VEGFD: variants seen among roughly 807,000 people sequenced by gnomAD.
The protein encoded by VEGFD is c-fos induced growth factor (vascular endothelial growth factor D).
VEGFD carries 26 observed loss-of-function variants against 28.0 expected under a neutral mutation model. The ratio of observed to expected loss-of-function variants is 0.93; its 90% CI spans 0.68 to 1.29. The LOEUF (loss-of-function observed/expected upper bound fraction) is 1.29. VEGFD is among the 50% of genes most tolerant of loss of function. The probability of loss-of-function intolerance (pLI) is 0.00; values close to 1 mark genes in which losing one functional copy is unlikely to be tolerated. For missense variants in VEGFD, 294 were observed against 273.4 expected, an observed-to-expected ratio of 1.08 and a Z score of -0.53; for synonymous variants, 93 against 95.5, an observed-to-expected ratio of 0.97 and a Z score of 0.15.
chrX:15,353,022 GCTA>G (rs756388904), intron 5 of VEGFD, 43 bp downstream of exon 5: 25 of 771,089 alleles, frequency 3.2e-5, no homozygotes, highest in Non-Finnish European at 4.8e-5. Context: ...TGCTATTGTT[GCTA>G]CTTTTATTAT....
intron 1 of VEGFD, among the ~76,000 whole-genome samples, chrX:15,371,359 T>A (rs1196460379): frequency 8.9e-6 from 1 of 112,241 alleles, no homozygotes; most frequent in Non-Finnish European, 1.9e-5. Context: ...AGAAAATTTT[T>A]ATCTTTTTTT....
At position 15,346,214 on chromosome X, in the gene VEGFD, G is replaced by A. The variant is rs753290987; in HGVS notation, c.984C>T (p.Gly328=). 8.3e-6 allele frequency: 10 copies of A among 1,209,002 alleles called. No homozygotes were observed. Among genetic ancestry groups the A allele is most frequent in the Admixed American group, 4.4e-5 (2 of 45,845 alleles). The change falls in exon 7 of 7, where the codon GGC becomes GGT. Residue 328 remains glycine (G), a synonymous_variant. Transcript: ENST00000297904. The part of the protein sequence containing the change: ...CPFHTRPCAS[G]KTACAKHCRF... ...GGCAATGCTTTGCACATGCTGTTTT[G>A]CCACTTGCACATGGTCTGGTATGAA...
chrX:15,363,047 G>T (rs746004889), intron 2 of VEGFD, 62 bp downstream of exon 2: 32 of 1,072,486 alleles, frequency 3.0e-5, no homozygotes, highest in Non-Finnish European at 4.1e-5. Flanking sequence ...TTTGGAGAAA[G>T]TAAGTGTGTT....
At chrX:15,355,123 T>C in intron 4 of VEGFD, 27 bp downstream of exon 4, 2 of 1,112,606 alleles carry the variant, frequency 1.8e-6, no homozygotes, top group Non-Finnish European at 2.4e-6. Flanking sequence ...CATAATCCAG[T>C]ATAAAAAAAA....
Position 15,347,177 on chromosome X carries a change from G to A in VEGFD, c.925C>T (p.Pro309Ser), listed in dbSNP as rs1922573214. The A allele has an allele frequency of 7.5e-6, 9 of 1,207,692 alleles. No individual in the cohort carries two copies. The highest frequency in any genetic ancestry group is 8.9e-6 in the Non-Finnish European group (8 of 893,917). The change falls in exon 6 of 7, where the codon CCA becomes TCA. Residue 309 changes from proline to serine, a missense_variant. Transcript: ENST00000297904. ...TCCQKHKLFH[P>S]DTCSCEDRCP... The stretch of plus-strand genomic sequence containing the variant: ...CAAGGCATTTACCTGCAGGTGTCTG[G>A]GTGAAATAGCTTGTGCTTCTGGCAG...
At chrX:15,350,272 C>T (rs2147735015) in intron 5 of VEGFD, among the ~76,000 whole-genome samples, 1 of 111,591 alleles carries the variant, frequency 9.0e-6, no homozygotes, top group East Asian at 2.8e-4. Context: ...CCAGTATGTT[C>T]TCTCACCTCC....
intron 1 of VEGFD, among the ~76,000 whole-genome samples, chrX:15,382,417 A>C (rs1429842724): frequency 1.8e-5 from 2 of 112,296 alleles, no homozygotes; most frequent in Non-Finnish European, 3.8e-5. Flanking sequence ...AGCAACCTAA[A>C]GAATATGACT....
At position 15,363,128 on chromosome X, in the gene VEGFD, A is replaced by ATC. The variant is rs1183050650; in HGVS notation, c.281_282insGA (p.Tyr94Ter). The change falls in exon 2 of 7, where the codon TAT (tyrosine) becomes TAGAT (stop). Residue 94 changes from tyrosine (Y) to a stop codon, truncating the protein, a stop_gained and frameshift_variant. Transcript: ENST00000297904. LOFTEE classifies it high-confidence loss of function. ...HRSTRFAATF[Y>*]DIETLKVIDE... ...ACCTACCTTTTAGTGTTTCAATGTC[A>ATC]TAGAAAGTTGCCGCAAACCTAGTGG... The ATC allele has an allele frequency of 5.0e-6, 6 of 1,209,425 alleles. No individual in the cohort carries two copies. Among genetic ancestry groups the ATC allele is most frequent in the Non-Finnish European group, 6.7e-6 (6 of 894,930 alleles).
intron 1 of VEGFD, among the ~76,000 whole-genome samples, chrX:15,366,372 T>A (rs12850684): frequency 0.09 from 10,105 of 111,742 alleles, 631 homozygotes; most frequent in African/African-American, 0.22. Flanking sequence ...TTGCAAATAT[T>A]TTTAAGTATT....
chrX:15,354,493 T>C (rs868194074), intron 4 of VEGFD, among the ~76,000 whole-genome samples: 16 of 111,723 alleles, frequency 1.4e-4, no homozygotes, highest in Middle Eastern at 4.6e-3. Flanking sequence ...ATCTAACTAA[T>C]GATCTTTTCA....
intron 4 of VEGFD, 146 bp from the exon 5 acceptor site, chrX:15,353,314 T>G: frequency 3.7e-6 from 1 of 267,183 alleles, no homozygotes; most frequent in Non-Finnish European, 6.9e-6. Context: ...AGAAATAAGG[T>G]TTTGAGATCT....
At chrX:15,361,254 G>A (rs1360393160) in intron 2 of VEGFD, among the ~76,000 whole-genome samples, 1 of 112,150 alleles carries the variant, frequency 8.9e-6, no homozygotes, top group Non-Finnish European at 1.9e-5. Context: ...ATAGCTCCAG[G>A]TTCACCTCAG....
chrX:15,351,027 A>ATTTTTTTTTTTT (rs35997805), intron 5 of VEGFD, among the ~76,000 whole-genome samples: 1 of 14,756 alleles, frequency 6.8e-5, no homozygotes, highest in Non-Finnish European at 1.4e-4. Context: ...ATGCCCAGCT[A>ATTTTTTTTTTTT]TTTTTTTTTT....
At chrX:15,364,831 T>C (rs771829124) in intron 1 of VEGFD, among the ~76,000 whole-genome samples, 3 of 112,023 alleles carry the variant, frequency 2.7e-5, no homozygotes, top group Non-Finnish European at 1.9e-5. Flanking sequence ...TTGCATTGGG[T>C]AGTGTGATGT....
rs183860257 is a variant in VEGFD, at chrX:15,351,975, C to G, written c.742+1093G>C. 7.5e-3 allele frequency among the ~76,000 whole-genome samples: 841 copies of G among 112,168 alleles called. 25 individuals carry two copies. The highest frequency in any genetic ancestry group is 0.065 in the Admixed American group (695 of 10,633). ...ATTTCAGTATAACAACAGGAGTGTGCCCACCCCTTGGTGCTGCCTCACTGG... is the reference window on the plus strand; with the variant it reads ...ATTTCAGTATAACAACAGGAGTGTGGCCACCCCTTGGTGCTGCCTCACTGG... On this transcript the variant is annotated intron_variant, in intron 5 of 6. Coordinates refer to ENST00000297904, the MANE Select transcript of VEGFD (RefSeq NM_004469.5).
chrX:15,358,581 T>G (rs753110808), intron 2 of VEGFD, among the ~76,000 whole-genome samples: 2 of 112,291 alleles, frequency 1.8e-5, no homozygotes, highest in South Asian at 3.7e-4. Flanking sequence ...ATAGCATTTC[T>G]TCTGCTTTAA....
At chrX:15,376,100 C>T (rs1338547513) in intron 1 of VEGFD, among the ~76,000 whole-genome samples, 1 of 111,450 alleles carries the variant, frequency 9.0e-6, no homozygotes, top group African/African-American at 3.3e-5. Context: ...GCCCAGTGTG[C>T]CACCCAAAGC....
In VEGFD at chrX:15,346,170, C is replaced by G. The variant is rs1261634915; in HGVS notation, c.1028G>C (p.Arg343Thr). 1 of 1,210,050 alleles carries G rather than the reference C, an allele frequency of 8.3e-7. No homozygotes were observed. Among genetic ancestry groups the G allele is most frequent in the African/African-American group, 1.7e-5 (1 of 57,372 alleles). ...TCGGCTGTGGGGCCCCTGGGCAGCCCTTTTCTCCTTTGGAAAGCGGCAATG... is the reference window on the plus strand; with the variant it reads ...TCGGCTGTGGGGCCCCTGGGCAGCCGTTTTCTCCTTTGGAAAGCGGCAATG... ...AKHCRFPKEKRAAQGPHSRKN... is the reference protein window; with the variant it reads ...AKHCRFPKEKTAAQGPHSRKN... Residue 343 changes from arginine to threonine, a missense_variant, in exon 7 of 7, where the codon AGG becomes ACG. Arg to Thr is a moderately conservative substitution (Grantham distance 71). Transcript: ENST00000297904.
intron 1 of VEGFD, among the ~76,000 whole-genome samples, chrX:15,364,763 G>A (rs1421404058): frequency 2.7e-5 from 3 of 112,189 alleles, no homozygotes; most frequent in Non-Finnish European, 3.8e-5. Context: ...GCTGCCTGCT[G>A]CAGGGCGAGG....
Sources: allele counts gnomAD v4.1 joint callset (sites outside exome capture counted in the v4.1 genomes callset), GRCh38; gene constraint gnomAD v4.1.1; transcripts MANE v1.5; gene names NCBI Gene and HGNC (gene_info 2026-07-23, HGNC 2026-07-21).